Variants in TMEM132C observed in about 807,000 individuals in gnomAD.
The protein encoded by TMEM132C is protein phosphatase 1, regulatory subunit 152.
Under a neutral mutation model 61.4 loss-of-function variants are expected in TMEM132C, and 29 were observed. That is an observed-to-expected ratio of 0.47 (90% confidence interval 0.35 to 0.64). The LOEUF is 0.64. TMEM132C is among the 30% of genes least tolerant of loss of function. The pLI is 0.00. For missense variants in TMEM132C, 1,408 were observed against 1,476.9 expected, an observed-to-expected ratio of 0.95 and a Z score of 0.76; for synonymous variants, 656 against 633.1, an observed-to-expected ratio of 1.04 and a Z score of -0.54.
chr12:128,638,522 C>T (rs1329103667), intron 4 of TMEM132C, among the ~76,000 whole-genome samples: 3 of 152,192 alleles, frequency 2.0e-5, no homozygotes, highest in Non-Finnish European at 2.9e-5. Context: ...ATCCTCATAG[C>T]ATCTGTTTCA....
chr12:128,605,016 TA>T (rs1876368949), intron 3 of TMEM132C, among the ~76,000 whole-genome samples: 4 of 140,314 alleles, frequency 2.9e-5, no homozygotes, highest in African/African-American at 1.2e-4. Context: ...ACATAGATAA[TA>T]GATGAATGGA....
chr12:128,577,109 C>G (rs1320452971), intron 3 of TMEM132C, among the ~76,000 whole-genome samples: 1 of 152,194 alleles, frequency 6.6e-6, no homozygotes, highest in Non-Finnish European at 1.5e-5. Flanking sequence ...CCCCCATCAA[C>G]CACTAATCTG....
chr12:128,405,422 G>A (rs1047854503), intron 1 of TMEM132C, among the ~76,000 whole-genome samples: 2 of 152,148 alleles, frequency 1.3e-5, no homozygotes, highest in African/African-American at 4.8e-5. Context: ...TTGGCTGTTG[G>A]AGGTTCCTGG....
intron 1 of TMEM132C, among the ~76,000 whole-genome samples, chr12:128,397,345 T>C (rs989856913): frequency 1.3e-5 from 2 of 152,162 alleles, no homozygotes; most frequent in Non-Finnish European, 2.9e-5. Flanking sequence ...CCATTCTGTC[T>C]CCCTTGTGAG....
chr12:128,547,659 G>C (rs11059763), intron 3 of TMEM132C, among the ~76,000 whole-genome samples: 3 of 151,962 alleles, frequency 2.0e-5, no homozygotes, highest in Non-Finnish European at 4.4e-5. Flanking sequence ...TGTGTTTTCA[G>C]ATCTTGGCCA....
chr12:128,304,791 A>C (rs1871712514), intron 1 of TMEM132C, among the ~76,000 whole-genome samples: 1 of 152,174 alleles, frequency 6.6e-6, no homozygotes, highest in Non-Finnish European at 1.5e-5. Flanking sequence ...AAGAGCCCAT[A>C]GCTTTGTAGG....
intron 1 of TMEM132C, among the ~76,000 whole-genome samples, chr12:128,385,274 T>G (rs11059672): frequency 0.012 from 286 of 23,494 alleles, 1 homozygote; most frequent in South Asian, 0.03. Flanking sequence ...TCATTGCAAA[T>G]ATTTGAGACA....
intron 2 of TMEM132C, among the ~76,000 whole-genome samples, chr12:128,508,687 G>T (rs1473915432): frequency 1.3e-5 from 2 of 152,198 alleles, no homozygotes; most frequent in African/African-American, 4.8e-5. Context: ...TCCCTCTTGG[G>T]CTCTCCCTTG....
chr12:128,678,816 T>A (rs10773564), intron 5 of TMEM132C, among the ~76,000 whole-genome samples: 16 of 152,062 alleles, frequency 1.1e-4, no homozygotes, highest in Non-Finnish European at 2.1e-4. Flanking sequence ...TCAATCATGC[T>A]GAGGTTGAGA....
chr12:128,635,434 G>C (rs1050786973), intron 4 of TMEM132C, among the ~76,000 whole-genome samples: 1 of 150,690 alleles, frequency 6.6e-6, no homozygotes, highest in African/African-American at 2.5e-5. Context: ...AAATTAATAT[G>C]AGAATAGCTA....
intron 1 of TMEM132C, among the ~76,000 whole-genome samples, chr12:128,407,983 A>C (rs892621920): frequency 1.3e-5 from 2 of 152,138 alleles, no homozygotes; most frequent in Admixed American, 6.6e-5. Flanking sequence ...CTTTATGGAA[A>C]GTGAAGCTCC....
chr12:128,412,471 T>C (rs1351720748), intron 1 of TMEM132C, among the ~76,000 whole-genome samples: 1 of 152,188 alleles, frequency 6.6e-6, no homozygotes, highest in African/African-American at 2.4e-5. Flanking sequence ...TCACCTTGAA[T>C]TGTAACAATC....
chr12:128,587,482 A>C (rs11059780), intron 3 of TMEM132C, among the ~76,000 whole-genome samples: 73,301 of 152,004 alleles, frequency 0.48, 19,814 homozygotes, highest in East Asian at 0.71. Flanking sequence ...CTCCTCACAC[A>C]ATCACCTCGG....
chr12:128,651,279 C>T, intron 4 of TMEM132C, among the ~76,000 whole-genome samples: 1 of 152,194 alleles, frequency 6.6e-6, no homozygotes, highest in Non-Finnish European at 1.5e-5. Flanking sequence ...AGTCTCTTCA[C>T]ATCTGCAGTT....
intron 2 of TMEM132C, among the ~76,000 whole-genome samples, chr12:128,436,994 T>C (rs1401710125): frequency 6.6e-6 from 1 of 152,108 alleles, no homozygotes; most frequent in African/African-American, 2.4e-5. Flanking sequence ...ATGTCCTTTG[T>C]AGGGACATGG....
chr12:128,619,660 C>G (rs553380242), intron 4 of TMEM132C, among the ~76,000 whole-genome samples: 1 of 152,234 alleles, frequency 6.6e-6, no homozygotes, highest in African/African-American at 2.4e-5. Flanking sequence ...TCCCCTCCTC[C>G]CTGCGCTGTC....
At chr12:128,493,873 C>G (rs991423746) in intron 2 of TMEM132C, among the ~76,000 whole-genome samples, 7 of 152,164 alleles carry the variant, frequency 4.6e-5, no homozygotes, top group African/African-American at 1.7e-4. Context: ...CTGGCCAGAA[C>G]TTCCAACACT....
At chr12:128,391,873 C>T (rs529900271) in intron 1 of TMEM132C, among the ~76,000 whole-genome samples, 5 of 152,280 alleles carry the variant, frequency 3.3e-5, no homozygotes, top group East Asian at 3.9e-4. Flanking sequence ...ATATGGCCTT[C>T]GAACTAAGAA....
intron 7 of TMEM132C, 127 bp from the exon 8 acceptor site, chr12:128,697,097 T>C: frequency 1.4e-6 from 1 of 731,318 alleles, no homozygotes; most frequent in Non-Finnish European, 2.1e-6. Context: ...GTGAAGTAGA[T>C]ATGTAACTCC....
Sources: gnomAD v4.1 joint callset for allele counts (sites outside exome capture counted in the v4.1 genomes callset) on GRCh38, gnomAD v4.1.1 for gene constraint, MANE v1.5 for transcripts, NCBI Gene and HGNC (gene_info 2026-07-23, HGNC 2026-07-21) for gene names.